The following ACSL4 variants were observed in gnomAD, a reference collection of about 807,000 sequenced individuals.
ACSL4 encodes the protein acyl-CoA synthetase long chain family member 4.
Under a neutral mutation model 49.1 loss-of-function variants are expected in ACSL4, and 9 were observed. That is an observed-to-expected ratio of 0.18 (90% confidence interval 0.11 to 0.32). The LOEUF (loss-of-function observed/expected upper bound fraction) is 0.32. Among genes scored for constraint, ACSL4 ranks in the 10% least tolerant of loss-of-function variants. The pLI, the probability that ACSL4 is intolerant of heterozygous loss-of-function variation, is 1.00. For missense variants in ACSL4, 333 were observed against 493.7 expected, an observed-to-expected ratio of 0.67 and a Z score of 3.08; for synonymous variants, 191 against 170.3, an observed-to-expected ratio of 1.12 and a Z score of -0.95.
Position 109,643,817 on chromosome X carries a change from T to C in ACSL4, c.*212A>G. On this transcript the variant is annotated 3_prime_UTR_variant, in exon 16 of 16. Coordinates refer to ENST00000672401, the MANE Select transcript of ACSL4 (RefSeq NM_001318510.2). ...CTATAATAACACAGCTAAAGGGAAA[T>C]AACTTTTCAATTTCAGCTGCACTAG... The C allele has an allele frequency of 2.4e-6, 1 of 418,245 alleles. No homozygotes were observed. Among genetic ancestry groups the C allele is most frequent in the Non-Finnish European group, 4.1e-6 (1 of 242,637 alleles). The allele number at this position is 418,245 out of a possible 1,213,427, so 34.5% of individuals were successfully genotyped here. A position where few individuals can be genotyped will look rare whatever the true frequency, so the allele number is the denominator to read the frequency against.
intron 1 of ACSL4, among the ~76,000 whole-genome samples, chrX:109,702,971 T>G (rs898008053): frequency 8.9e-6 from 1 of 112,376 alleles, no homozygotes; most frequent in Non-Finnish European, 1.9e-5. Context: ...AAATCTCCAT[T>G]AGAACACCAC....
intron 2 of ACSL4, chrX:109,692,131 T>G (rs1392696441): frequency 1.8e-5 from 2 of 111,815 alleles, no homozygotes; most frequent in Non-Finnish European, 3.8e-5. Context: ...TTGAAGACAC[T>G]TTTAATGCTC....
In ACSL4 at chrX:109,643,396, G is replaced by C. The variant is rs1934505340; in HGVS notation, c.*633C>G. On this transcript the variant is annotated 3_prime_UTR_variant, in exon 16 of 16. Transcript: ENST00000672401. ...ATATTACTAGATATTTTTTGGTGTT[G>C]TATATGTTGTTCTATTCTTATTTTA... The C allele has an allele frequency of 9.0e-6, 1 of 111,681 alleles. No individual in the cohort carries two copies. Among genetic ancestry groups the C allele is most frequent in the Admixed American group, 9.6e-5 (1 of 10,453 alleles). The allele number at this position is 111,681 out of a possible 1,213,427, so 9.2% of individuals were successfully genotyped here.
chrX:109,708,550 A>C (rs1207308600), intron 1 of ACSL4, among the ~76,000 whole-genome samples: 1 of 112,205 alleles, frequency 8.9e-6, no homozygotes, highest in African/African-American at 3.2e-5. Context: ...TCTTTTGCTC[A>C]TGTAATATAA....
intron 15 of ACSL4, among the ~76,000 whole-genome samples, chrX:109,655,801 A>G (rs1921594227): frequency 9.0e-6 from 1 of 111,649 alleles, no homozygotes; most frequent in South Asian, 3.7e-4. Flanking sequence ...ACACAAAGGA[A>G]TGGGAATCAG....
chrX:109,654,129 C>T (rs903483141), intron 15 of ACSL4, among the ~76,000 whole-genome samples: 4 of 109,725 alleles, frequency 3.6e-5, no homozygotes, highest in Non-Finnish European at 7.6e-5. Context: ...TGAAATTCAC[C>T]TAAAAATCTA....
At chrX:109,691,975 A>G (rs1017785056) in intron 2 of ACSL4, 1 of 112,106 alleles carries the variant, frequency 8.9e-6, no homozygotes, top group African/African-American at 3.2e-5. Flanking sequence ...GCTTTTCACA[A>G]TTATGACTGA....
chrX:109,677,777 G>GA (rs998274081), intron 8 of ACSL4, among the ~76,000 whole-genome samples: 4 of 104,832 alleles, frequency 3.8e-5, no homozygotes, highest in African/African-American at 6.9e-5. Flanking sequence ...CAAAAGAAAA[G>GA]AAAAAAAAAA....
At chrX:109,663,144 A>G (rs903683442) in intron 13 of ACSL4, 67 bp downstream of exon 13, 1 of 970,163 alleles carries the variant, frequency 1.0e-6, no homozygotes. Context: ...TGACTGATCA[A>G]TATTACCTTT....
intron 4 of ACSL4, 97 bp downstream of exon 4, chrX:109,682,622 A>C: frequency 1.9e-6 from 2 of 1,032,198 alleles, no homozygotes; most frequent in Non-Finnish European, 2.7e-6. Flanking sequence ...TAAAATGGCT[A>C]AACAACACCT....
At chrX:109,648,472 C>A (rs1408274190) in intron 15 of ACSL4, among the ~76,000 whole-genome samples, 1 of 111,143 alleles carries the variant, frequency 9.0e-6, no homozygotes, top group Non-Finnish European at 1.9e-5. Context: ...CAAAATTCAA[C>A]AACGCTTCAT....
intron 8 of ACSL4, among the ~76,000 whole-genome samples, chrX:109,675,488 G>C (rs1223742548): frequency 8.9e-6 from 1 of 111,774 alleles, no homozygotes; most frequent in African/African-American, 3.3e-5. Context: ...AGTCTTTACA[G>C]TAAAGTTCAT....
intron 15 of ACSL4, among the ~76,000 whole-genome samples, chrX:109,648,440 T>A (rs1456213613): frequency 9.0e-6 from 1 of 111,458 alleles, no homozygotes; most frequent in Non-Finnish European, 1.9e-5. Context: ...ATTATCTCAA[T>A]AGATGCAGAA....
intron 2 of ACSL4, among the ~76,000 whole-genome samples, chrX:109,691,001 AC>A (rs1360387131): frequency 1.8e-5 from 2 of 111,415 alleles, no homozygotes; most frequent in Non-Finnish European, 3.8e-5. Context: ...AAATCGTCTT[AC>A]CCAGAAGCAT....
At chrX:109,701,542 C>A (rs1925937336) in intron 1 of ACSL4, among the ~76,000 whole-genome samples, 1 of 90,666 alleles carries the variant, frequency 1.1e-5, no homozygotes, top group Non-Finnish European at 2.2e-5. Flanking sequence ...TCTTCTTCTT[C>A]TTTTTCTTTT....
At chrX:109,695,369 C>T (rs1238107431) in intron 2 of ACSL4, among the ~76,000 whole-genome samples, 7 of 107,550 alleles carry the variant, frequency 6.5e-5, no homozygotes, top group African/African-American at 2.4e-4. Context: ...AAAGAATAAG[C>T]TTCAACGTAT....
intron 11 of ACSL4, among the ~76,000 whole-genome samples, chrX:109,665,904 C>G (rs1922593888): frequency 8.9e-6 from 1 of 111,783 alleles, no homozygotes; most frequent in South Asian, 3.8e-4. Flanking sequence ...CTACTTCATA[C>G]AGGGATATGC....
chrX:109,676,558 T>C (rs1923709558), intron 8 of ACSL4, among the ~76,000 whole-genome samples: 1 of 111,031 alleles, frequency 9.0e-6, no homozygotes, highest in Non-Finnish European at 1.9e-5. Flanking sequence ...ACTTGCTTTG[T>C]CTTTCAGCAT....
chrX:109,671,880 T>G (rs1468707595), intron 9 of ACSL4, among the ~76,000 whole-genome samples: 1 of 110,051 alleles, frequency 9.1e-6, no homozygotes, highest in Non-Finnish European at 1.9e-5. Flanking sequence ...GAAGGCAGCA[T>G]GCTCGTTAAC....
Sources: allele counts gnomAD v4.1 joint callset (sites outside exome capture counted in the v4.1 genomes callset), GRCh38; gene constraint gnomAD v4.1.1; transcripts MANE v1.5; gene names NCBI Gene and HGNC (gene_info 2026-07-23, HGNC 2026-07-21).